CRB1: variants seen among roughly 807,000 people sequenced by gnomAD.
The protein encoded by CRB1 is protein crumbs homolog 1.
In CRB1, 83 loss-of-function variants were observed where a neutral mutation model predicts 120.0. The ratio of observed to expected loss-of-function variants is 0.69; its 90% CI spans 0.58 to 0.83. The LOEUF is 0.83. CRB1 is among the 40% of genes least tolerant of loss of function. The pLI is 0.00. For missense variants in CRB1, 1,699 were observed against 1,687.6 expected (o/e 1.01, Z -0.12); for synonymous variants, 625 against 612.5 (o/e 1.02, Z -0.30).
the CRB1 span, among the ~76,000 whole-genome samples, chr1:197,217,701 G>GT: frequency 6.6e-6 from 1 of 152,084 alleles, no homozygotes; most frequent in Non-Finnish European, 1.5e-5. Flanking sequence ...TTGGGTATGG[G>GT]TTTTTTGGAG....
chr1:197,427,630 C>G lies in CRB1; in HGVS notation c.2305C>G (p.Arg769Gly). The G allele has an allele frequency of 6.2e-7, 1 of 1,613,890 alleles. No individual in the cohort carries two copies. Among genetic ancestry groups the G allele is most frequent in the South Asian group, 1.1e-5 (1 of 91,074 alleles). ...TCAATATATCCGTGTCTGGCTAGAG[C>G]GCGGCAGACTAGCAATGCTGACTCC... ...TYQYIRVWLE[R>G]GRLAMLTPNS... The change falls in exon 7 of 12, where the codon CGC becomes GGC. Residue 769 changes from arginine (R) to glycine (G), a missense_variant. Arg to Gly is a moderately radical substitution (Grantham distance 125, BLOSUM62 -2). Transcript: ENST00000367400.
At chr1:197,342,427 T>C (rs2125325350) in intron 2 of CRB1, among the ~76,000 whole-genome samples, 1 of 152,304 alleles carries the variant, frequency 6.6e-6, no homozygotes, top group South Asian at 2.1e-4. Context: ...CCTTCAACTT[T>C]CCAGTAGTGG....
intron 1 of CRB1, among the ~76,000 whole-genome samples, chr1:197,316,004 A>C (rs1441630366): frequency 6.6e-6 from 1 of 152,162 alleles, no homozygotes; most frequent in Non-Finnish European, 1.5e-5. Context: ...TTTTATTTAC[A>C]ACAATTTTTC....
At chr1:197,238,740 A>T in the CRB1 span, among the ~76,000 whole-genome samples, 1 of 152,130 alleles carries the variant, frequency 6.6e-6, no homozygotes, top group Non-Finnish European at 1.5e-5. Context: ...GCTACTTGGG[A>T]GGCTGAGGCA....
At chr1:197,438,800 G>A (rs751483098) in intron 10 of CRB1, 125 bp downstream of exon 10, 40 of 1,235,836 alleles carry the variant, frequency 3.2e-5, no homozygotes, top group Non-Finnish European at 4.3e-5. Flanking sequence ...CTGAAATAGA[G>A]GTTCAGACAG....
chr1:197,283,000 A>G (rs1240406014), intron 1 of CRB1, among the ~76,000 whole-genome samples: 1 of 151,878 alleles, frequency 6.6e-6, no homozygotes, highest in Non-Finnish European at 1.5e-5. Flanking sequence ...ATATAGGTGT[A>G]TGGAAGATGA....
At chr1:197,252,741 A>AG in the CRB1 span, among the ~76,000 whole-genome samples, 1 of 150,748 alleles carries the variant, frequency 6.6e-6, no homozygotes, top group Admixed American at 6.6e-5. Flanking sequence ...TACAAGCTGG[A>AG]GAAACAGGAA....
At chr1:197,223,285 G>T in the CRB1 span, 1 of 828,008 alleles carries the variant, frequency 1.2e-6, no homozygotes, top group Admixed American at 2.0e-5. Context: ...TAGAAAAGGG[G>T]TTTGGAAATT....
At chr1:197,232,445 C>T in the CRB1 span, among the ~76,000 whole-genome samples, 1 of 151,678 alleles carries the variant, frequency 6.6e-6, no homozygotes, top group Admixed American at 6.6e-5. Flanking sequence ...TAAAGAAGAG[C>T]AAGGTTTGAG....
chr1:197,307,592 A>C (rs1459486968), intron 1 of CRB1, among the ~76,000 whole-genome samples: 2 of 152,232 alleles, frequency 1.3e-5, no homozygotes, highest in African/African-American at 2.4e-5. Flanking sequence ...AGCCACATCC[A>C]ATCACTCTTG....
chr1:197,447,787 G>A (rs1665770941), intron 11 of CRB1, among the ~76,000 whole-genome samples: 2 of 150,650 alleles, frequency 1.3e-5, no homozygotes, highest in South Asian at 2.1e-4. Flanking sequence ...CTGGGAAGTC[G>A]AGGCTGCCAT....
At position 197,268,327 on chromosome 1, in the gene CRB1, CT is replaced by C. The variant is rs1654711055; in HGVS notation, c.-85del. 2.1e-6 allele frequency: 2 copies of C among 971,916 alleles called. No homozygotes were observed. Among genetic ancestry groups the C allele is most frequent in the Non-Finnish European group, 3.4e-6 (2 of 595,034 alleles). The allele number at this position is 971,916 out of a possible 1,614,324, so 60.2% of individuals were successfully genotyped here. A position where few individuals can be genotyped will look rare whatever the true frequency, so the allele number is the denominator to read the frequency against. On this transcript the variant is annotated 5_prime_UTR_variant, in exon 1 of 12. It removes the in-frame stop codon of an upstream open reading frame in the 5' UTR. Coordinates refer to ENST00000367400, the MANE Select transcript of CRB1 (RefSeq NM_201253.3). ...GCACCTGGGGGTTCTGAGGCACCCG[CT>C]CCTCTCTGAGACAGACAGGGATCAG...
chr1:197,438,463 C>A, intron 9 of CRB1, 84 bp from the exon 10 acceptor site: 1 of 1,533,694 alleles, frequency 6.5e-7, no homozygotes, highest in Non-Finnish European at 9.0e-7. Context: ...TTGGCATTGA[C>A]TACATACATG....
Position 197,366,881 on chromosome 1 carries a change from G to T in CRB1, c.1171+9868G>T, listed in dbSNP as rs557843659. On this transcript the variant is annotated intron_variant, in intron 5 of 11. Transcript: ENST00000367400. ...GAATTGAACCATGCCTCTAGAGGCA[G>T]TAGTGGTTACTATTCTCTAATTCTC... 7.7e-4 allele frequency among the ~76,000 whole-genome samples: 117 copies of T among 152,278 alleles called. 1 individual carries two copies. Among genetic ancestry groups the T allele is most frequent in the African/African-American group, 2.4e-3 (100 of 41,566 alleles).
At chr1:197,231,794 A>G in the CRB1 span, among the ~76,000 whole-genome samples, 2 of 152,212 alleles carry the variant, frequency 1.3e-5, no homozygotes, top group African/African-American at 4.8e-5. Context: ...GAGTACCAAT[A>G]TCAGAGTCTT....
intron 1 of CRB1, among the ~76,000 whole-genome samples, chr1:197,295,353 A>C (rs1168992572): frequency 6.6e-6 from 1 of 152,030 alleles, no homozygotes; most frequent in African/African-American, 2.4e-5. Flanking sequence ...GTCAAAACCC[A>C]AGAGGCAGGC....
the CRB1 span, among the ~76,000 whole-genome samples, chr1:197,235,717 A>C: frequency 6.6e-6 from 1 of 152,286 alleles, no homozygotes; most frequent in South Asian, 2.1e-4. Flanking sequence ...TTAAGTACCT[A>C]AGTTTTAGAG....
chr1:197,247,420 G>C, the CRB1 span, among the ~76,000 whole-genome samples: 1 of 152,074 alleles, frequency 6.6e-6, no homozygotes, highest in African/African-American at 2.4e-5. Flanking sequence ...AAATTTGAAA[G>C]ACATTGTGCA....
At chr1:197,370,704 A>C (rs1661324878) in intron 5 of CRB1, among the ~76,000 whole-genome samples, 1 of 152,172 alleles carries the variant, frequency 6.6e-6, no homozygotes. Flanking sequence ...AAATGCCTAC[A>C]TCAAAAACCC....
Sources: allele counts gnomAD v4.1 joint callset (sites outside exome capture counted in the v4.1 genomes callset), GRCh38; gene constraint gnomAD v4.1.1; transcripts MANE v1.5; gene names NCBI Gene and HGNC (gene_info 2026-07-23, HGNC 2026-07-21).